Variants in FHIT observed in about 807,000 individuals in gnomAD.
The protein encoded by FHIT is fragile histidine triad diadenosine triphosphatase.
FHIT carries 19 observed loss-of-function variants against 17.9 expected under a neutral mutation model. That is an observed-to-expected ratio of 1.06 (90% CI 0.74 to 1.56). The LOEUF is 1.56. FHIT is among the 40% of genes most tolerant of loss of function. The probability of loss-of-function intolerance (pLI) is 0.00; values close to 1 mark genes in which losing one functional copy is unlikely to be tolerated. For synonymous variants in FHIT, 81 were observed against 69.7 expected (o/e 1.16, Z -0.81); for missense variants, 248 against 189.2 (o/e 1.31, Z -1.82).
intron 5 of FHIT, among the ~76,000 whole-genome samples, chr3:60,030,591 T>A (rs9874888): frequency 0.3 from 45,493 of 152,072 alleles, 6,996 homozygotes; most frequent in East Asian, 0.47. Context: ...TGATTACTTG[T>A]TTTCTATTGA....
chr3:60,054,455 G>C (rs1202063588), intron 5 of FHIT, among the ~76,000 whole-genome samples: 1 of 152,136 alleles, frequency 6.6e-6, no homozygotes, highest in Non-Finnish European at 1.5e-5. Flanking sequence ...CAATGAAGTG[G>C]CATTGCTCTG....
intron 7 of FHIT, among the ~76,000 whole-genome samples, chr3:59,984,399 G>GA (rs143597594): frequency 0.012 from 1,701 of 146,886 alleles, 31 homozygotes; most frequent in African/African-American, 0.04. Context: ...TCCACTGGGG[G>GA]GGGCTCTGGA....
At chr3:60,371,813 T>A (rs1200651313) in intron 5 of FHIT, among the ~76,000 whole-genome samples, 2 of 149,534 alleles carry the variant, frequency 1.3e-5, no homozygotes, top group African/African-American at 4.9e-5. Context: ...ATTTGAGAAG[T>A]TAACCTCATT....
intron 5 of FHIT, among the ~76,000 whole-genome samples, chr3:60,269,221 A>G (rs1706742484): frequency 6.6e-6 from 1 of 152,252 alleles, no homozygotes. Context: ...AGAACTAAGA[A>G]GAACACCTAA....
chr3:59,837,092 C>T (rs1343229202), intron 8 of FHIT, among the ~76,000 whole-genome samples: 2 of 152,254 alleles, frequency 1.3e-5, no homozygotes, highest in South Asian at 2.1e-4. Flanking sequence ...GGAGACACTT[C>T]TTTGTACAGG....
chr3:60,058,296 A>C, intron 5 of FHIT, among the ~76,000 whole-genome samples: 1 of 151,464 alleles, frequency 6.6e-6, no homozygotes, highest in Non-Finnish European at 1.5e-5. Context: ...ATGCCCAGCT[A>C]ATTTTTGTAT....
intron 4 of FHIT, among the ~76,000 whole-genome samples, chr3:60,720,709 A>G (rs1354347328): frequency 6.6e-6 from 1 of 152,154 alleles, no homozygotes; most frequent in Non-Finnish European, 1.5e-5. Flanking sequence ...ACGTACAGCC[A>G]AAGTGTGACT....
intron 4 of FHIT, among the ~76,000 whole-genome samples, chr3:60,748,464 C>T (rs782158284): frequency 2.6e-5 from 4 of 152,128 alleles, no homozygotes; most frequent in Non-Finnish European, 5.9e-5. Flanking sequence ...TCCAGGTTCA[C>T]ATTCCTTATA....
chr3:59,811,974 G>T (rs1189405182), intron 8 of FHIT, among the ~76,000 whole-genome samples: 2 of 152,152 alleles, frequency 1.3e-5, no homozygotes, highest in African/African-American at 2.4e-5. Context: ...CTACCCCGTG[G>T]CAGCTCATCC....
chr3:60,165,251 T>C (rs1297903036), intron 5 of FHIT, among the ~76,000 whole-genome samples: 2 of 152,196 alleles, frequency 1.3e-5, no homozygotes, highest in Non-Finnish European at 2.9e-5. Context: ...GCTCAATTAA[T>C]ATTCAGTGAA....
At chr3:60,199,948 A>C (rs1377832947) in intron 5 of FHIT, among the ~76,000 whole-genome samples, 1 of 152,130 alleles carries the variant, frequency 6.6e-6, no homozygotes, top group Non-Finnish European at 1.5e-5. Flanking sequence ...GATGACAGAC[A>C]CTAATATTCT....
At chr3:60,867,120 C>G (rs1260510352) in intron 3 of FHIT, among the ~76,000 whole-genome samples, 1 of 151,996 alleles carries the variant, frequency 6.6e-6, no homozygotes, top group Non-Finnish European at 1.5e-5. Context: ...TTATGAACAC[C>G]CACTCCCATA....
intron 3 of FHIT, among the ~76,000 whole-genome samples, chr3:60,975,604 A>G (rs1442600233): frequency 6.6e-6 from 1 of 152,224 alleles, no homozygotes; most frequent in Non-Finnish European, 1.5e-5. Context: ...TAGTGTGCCA[A>G]TCATGGCTGA....
At chr3:59,808,356 G>A (rs1181796330) in intron 8 of FHIT, among the ~76,000 whole-genome samples, 3 of 152,080 alleles carry the variant, frequency 2.0e-5, no homozygotes, top group East Asian at 1.9e-4. Context: ...ACAAGAAGTG[G>A]GCTTGAAAGG....
chr3:60,246,511 T>G (rs1053988576), intron 5 of FHIT, among the ~76,000 whole-genome samples: 1 of 152,006 alleles, frequency 6.6e-6, no homozygotes, highest in Non-Finnish European at 1.5e-5. Context: ...AGTCTTTAAT[T>G]AGGAAGAACA....
intron 4 of FHIT, among the ~76,000 whole-genome samples, chr3:60,596,766 A>C (rs2038284691): frequency 6.6e-6 from 1 of 152,142 alleles, no homozygotes; most frequent in Non-Finnish European, 1.5e-5. Flanking sequence ...GCCTATAGAG[A>C]GCATGATAAT....
intron 8 of FHIT, among the ~76,000 whole-genome samples, chr3:59,774,704 C>T (rs916025557): frequency 2.0e-5 from 3 of 152,100 alleles, no homozygotes; most frequent in African/African-American, 7.2e-5. Flanking sequence ...AGGAGAGTGG[C>T]ATCATTTTCT....
At chr3:61,202,067 TACACACACACACAC>T (rs143994045) in intron 1 of FHIT, among the ~76,000 whole-genome samples, 1 of 148,612 alleles carries the variant, frequency 6.7e-6, no homozygotes, top group East Asian at 2.0e-4. Flanking sequence ...CGCACATAGA[TACACACACACACAC>T]ACACACACAC....
chr3:60,442,691 T>C (rs796739032), intron 5 of FHIT, among the ~76,000 whole-genome samples: 6 of 152,198 alleles, frequency 3.9e-5, no homozygotes, highest in African/African-American at 1.2e-4. Context: ...TAGTATAGTT[T>C]GAAGTCAGGT....
Sources: allele counts gnomAD v4.1 joint callset (sites outside exome capture counted in the v4.1 genomes callset), GRCh38; gene constraint gnomAD v4.1.1; transcripts MANE v1.5; gene names NCBI Gene and HGNC (gene_info 2026-07-23, HGNC 2026-07-21).